MAST2: variants seen among roughly 807,000 people sequenced by gnomAD.
The protein encoded by MAST2 is microtubule-associated serine/threonine-protein kinase 2.
Under a neutral mutation model 147.4 loss-of-function variants are expected in MAST2, and 70 were observed. That is an observed-to-expected ratio of 0.47 (90% CI 0.39 to 0.58). The LOEUF (loss-of-function observed/expected upper bound fraction) is 0.58, where lower values mean the gene tolerates loss of function less well. Among genes scored for constraint, MAST2 ranks in the 20% least tolerant of loss-of-function variants. The pLI is 0.00. For missense variants in MAST2, 2,080 were observed against 2,302.3 expected, an observed-to-expected ratio of 0.90 and a Z score of 1.98; for synonymous variants, 869 against 896.8, an observed-to-expected ratio of 0.97 and a Z score of 0.55.
At chr1:45,984,853 A>G (rs1177040504) in intron 5 of MAST2, among the ~76,000 whole-genome samples, 1 of 152,146 alleles carries the variant, frequency 6.6e-6, no homozygotes, top group African/African-American at 2.4e-5. Context: ...ACCCTGTCTC[A>G]GAAAAAAAAT....
chr1:45,831,838 G>C (rs2147832000), intron 3 of MAST2, among the ~76,000 whole-genome samples: 1 of 150,714 alleles, frequency 6.6e-6, no homozygotes, highest in Non-Finnish European at 1.5e-5. Context: ...GGAGTGTAGT[G>C]GTGTGATCTT....
At chr1:45,923,019 ACCCTGGGCC>A (rs897955536) in intron 4 of MAST2, among the ~76,000 whole-genome samples, 8 of 151,648 alleles carry the variant, frequency 5.3e-5, no homozygotes, top group African/African-American at 1.7e-4. Context: ...TTCACTTCCT[ACCCTGGGCC>A]CCTGAAGCAT....
intron 15 of MAST2, chr1:46,024,430 A>C (rs1646317486): frequency 4.9e-6 from 1 of 204,270 alleles, no homozygotes; most frequent in African/African-American, 2.3e-5. Flanking sequence ...ACAGAAGAGC[A>C]ACATGGGGCA....
At chr1:46,022,843 ATC>A (rs1646244853) in intron 12 of MAST2, 65 bp from the exon 13 acceptor site, 1 of 1,176,372 alleles carries the variant, frequency 8.5e-7, no homozygotes, top group Admixed American at 1.7e-5. Flanking sequence ...CTGTTGTGTG[ATC>A]TGAGGATACT....
chr1:45,813,915 A>G (rs1644376754), intron 1 of MAST2, among the ~76,000 whole-genome samples: 1 of 152,092 alleles, frequency 6.6e-6, no homozygotes. Flanking sequence ...GCCTTCCAAA[A>G]TGTTGGGATT....
At chr1:45,989,014 T>C (rs567657456) in intron 5 of MAST2, among the ~76,000 whole-genome samples, 2 of 152,332 alleles carry the variant, frequency 1.3e-5, no homozygotes, top group Non-Finnish European at 2.9e-5. Flanking sequence ...GAATGCTTGT[T>C]TCTACTGGGG....
In MAST2 at chr1:45,827,776, T is replaced by C. The variant is rs148726155; in HGVS notation, c.326-1663T>C. On this transcript the variant is annotated intron_variant, in intron 2 of 28. Coordinates refer to ENST00000361297, the MANE Select transcript of MAST2 (RefSeq NM_015112.3). Reference sequence around the variant, plus strand: ...TAATTTTCTAGTAAAACATGCTAGTTATAAAAAATGTCACTACAAAAACAT... The same window carrying C: ...TAATTTTCTAGTAAAACATGCTAGTCATAAAAAATGTCACTACAAAAACAT... Among the ~76,000 whole-genome samples the C allele has an allele frequency of 1.5e-4, 23 of 152,326 alleles. No homozygotes were observed. The East Asian group carries it at 4.2e-3, about 28-fold the overall frequency.
chr1:45,894,517 GAC>G (rs1224000192), intron 4 of MAST2, among the ~76,000 whole-genome samples: 1 of 152,038 alleles, frequency 6.6e-6, no homozygotes, highest in African/African-American at 2.4e-5. Context: ...TTTCTAGCAA[GAC>G]ACAAAATATT....
chr1:46,036,009 C>T lies in MAST2; in HGVS notation c.5340C>T (p.Gly1780=), dbSNP rs1646892410. ...PSLRRGQEPG[G]HQKHRDLALV... Reference sequence around the variant, plus strand: ...TCAGGAGGGGCCAAGAACCAGGGGGCCATCAAAAGCATCGGGATTTGGCAT... The same window carrying T: ...TCAGGAGGGGCCAAGAACCAGGGGGTCATCAAAAGCATCGGGATTTGGCAT... The change falls in exon 29 of 29, where the codon GGC becomes GGT. Residue 1780 remains glycine (G), a synonymous_variant. Transcript: ENST00000361297. 1.2e-6 allele frequency: 2 copies of T among 1,613,222 alleles called. No homozygotes were observed. The highest frequency in any genetic ancestry group is 1.7e-6 in the Non-Finnish European group (2 of 1,179,860).
At chr1:45,882,795 T>G (rs1646907616) in intron 4 of MAST2, among the ~76,000 whole-genome samples, 1 of 152,234 alleles carries the variant, frequency 6.6e-6, no homozygotes, top group Non-Finnish European at 1.5e-5. Flanking sequence ...GACCAACTTT[T>G]CTGATAAGTT....
chr1:45,952,351 A>G (rs910604022), intron 4 of MAST2, among the ~76,000 whole-genome samples: 1 of 152,202 alleles, frequency 6.6e-6, no homozygotes, highest in African/African-American at 2.4e-5. Context: ...CCATAGAGAC[A>G]GTACGTTGGT....
chr1:45,983,486 C>T (rs1264367073), intron 5 of MAST2, among the ~76,000 whole-genome samples: 2 of 150,338 alleles, frequency 1.3e-5, no homozygotes, highest in African/African-American at 4.9e-5. Flanking sequence ...TAGAGTAAGA[C>T]ACTTTTTTTT....
intron 1 of MAST2, among the ~76,000 whole-genome samples, chr1:45,820,541 GA>G (rs1644589597): frequency 6.6e-6 from 1 of 152,050 alleles, no homozygotes. Flanking sequence ...TTTTGTGGCA[GA>G]TTACATCTTT....
intron 4 of MAST2, among the ~76,000 whole-genome samples, chr1:45,894,871 G>A (rs1246029760): frequency 1.3e-5 from 2 of 152,154 alleles, no homozygotes; most frequent in African/African-American, 4.8e-5. Flanking sequence ...AAATGAATCA[G>A]TAAGTGTTTT....
chr1:45,909,825 C>CT (rs1557893939), intron 4 of MAST2, among the ~76,000 whole-genome samples: 1 of 149,952 alleles, frequency 6.7e-6, no homozygotes, highest in Non-Finnish European at 1.5e-5. Context: ...CCTTTCTTTT[C>CT]TTTTTTGAAG....
intron 3 of MAST2, among the ~76,000 whole-genome samples, chr1:45,869,103 T>A (rs1398874992): frequency 6.6e-6 from 1 of 152,196 alleles, no homozygotes; most frequent in East Asian, 1.9e-4. Flanking sequence ...TTTTTCATAG[T>A]CATTTTTTTC....
In MAST2 at chr1:45,860,201, T is replaced by TACACACAC. The variant is rs777498021; in HGVS notation, c.469-22139_469-22132dup. Among the ~76,000 whole-genome samples, 930 of 144,118 alleles carry TACACACAC rather than the reference T, an allele frequency of 6.5e-3. 10 individuals carry two copies. The highest frequency in any genetic ancestry group is 0.022 in the African/African-American group (870 of 38,688). 94.5% of individuals were successfully genotyped at this position (144,118 alleles called of 152,430 possible). A position where few individuals can be genotyped will look rare whatever the true frequency, so the allele number is the denominator to read the frequency against. ...GGTAAACCCCTGTCTCTACTAAAAA[T>TACACACAC]ACACACACACACACACACACACACA... On this transcript the variant is annotated intron_variant, in intron 3 of 28. Transcript: ENST00000361297.
chr1:45,856,700 A>G (rs1054102154), intron 3 of MAST2, among the ~76,000 whole-genome samples: 2 of 152,206 alleles, frequency 1.3e-5, no homozygotes, highest in East Asian at 1.9e-4. Flanking sequence ...TAAATGAGCA[A>G]TTATACCGAG....
chr1:45,999,725 C>T (rs1346975472), intron 6 of MAST2, among the ~76,000 whole-genome samples: 2 of 152,212 alleles, frequency 1.3e-5, no homozygotes, highest in East Asian at 1.9e-4. Flanking sequence ...ATGTCACCTC[C>T]TCAGAGAGGC....
Sources: allele counts gnomAD v4.1 joint callset (sites outside exome capture counted in the v4.1 genomes callset), GRCh38; gene constraint gnomAD v4.1.1; transcripts MANE v1.5; gene names NCBI Gene and HGNC (gene_info 2026-07-23, HGNC 2026-07-21).